Variants in IL1RAPL2 observed in about 807,000 individuals in gnomAD.
IL1RAPL2 encodes the protein X-linked interleukin-1 receptor accessory protein-like 2.
IL1RAPL2 carries 3 observed loss-of-function variants against 44.1 expected under a neutral mutation model. The observed-to-expected ratio is 0.07, with a 90% CI of 0.03 to 0.18. The LOEUF (loss-of-function observed/expected upper bound fraction) is 0.18, where lower values mean the gene tolerates loss of function less well. IL1RAPL2 is among the 10% of genes least tolerant of loss of function. The pLI, the probability that IL1RAPL2 is intolerant of heterozygous loss-of-function variation, is 1.00. For synonymous variants in IL1RAPL2, 181 were observed against 178.8 expected, an observed-to-expected ratio of 1.01 and a Z score of -0.10; for missense variants, 391 against 496.4, an observed-to-expected ratio of 0.79 and a Z score of 2.02.
At chrX:105,427,207 G>A (rs891066941) in intron 5 of IL1RAPL2, among the ~76,000 whole-genome samples, 3 of 111,567 alleles carry the variant, frequency 2.7e-5, no homozygotes, top group Non-Finnish European at 3.8e-5. Context: ...TTCTTTGCCT[G>A]GATTAGGGGA....
chrX:104,680,330 C>T (rs1039933256), intron 2 of IL1RAPL2, among the ~76,000 whole-genome samples: 2 of 111,510 alleles, frequency 1.8e-5, no homozygotes, highest in Non-Finnish European at 1.9e-5. Context: ...CCACAACCCC[C>T]CTGAAACTGT....
chrX:104,945,930 C>A (rs1056135725), intron 2 of IL1RAPL2, among the ~76,000 whole-genome samples: 8 of 109,963 alleles, frequency 7.3e-5, no homozygotes, highest in Non-Finnish European at 9.5e-5. Flanking sequence ...CAGATGGATA[C>A]ATGATTTTTT....
chrX:105,289,259 G>T (rs1396007214), intron 5 of IL1RAPL2, among the ~76,000 whole-genome samples: 1 of 110,457 alleles, frequency 9.1e-6, no homozygotes, highest in Non-Finnish European at 1.9e-5. Context: ...GATGGTGGGG[G>T]ATCAGATCAT....
At chrX:105,713,552 G>A (rs1296459511) in intron 6 of IL1RAPL2, among the ~76,000 whole-genome samples, 1 of 111,278 alleles carries the variant, frequency 9.0e-6, no homozygotes, top group Admixed American at 9.5e-5. Context: ...CCCCCACCAG[G>A]TGCATCCCTG....
intron 2 of IL1RAPL2, among the ~76,000 whole-genome samples, chrX:104,962,890 C>T (rs951172110): frequency 2.7e-5 from 3 of 111,788 alleles, no homozygotes; most frequent in East Asian, 2.8e-4. Flanking sequence ...CTAATAGGAG[C>T]GTTGGATGGC....
intron 6 of IL1RAPL2, among the ~76,000 whole-genome samples, chrX:105,657,173 AATG>A (rs1234898874): frequency 8.9e-6 from 1 of 111,826 alleles, no homozygotes; most frequent in Non-Finnish European, 1.9e-5. Flanking sequence ...ATAGTGGTAG[AATG>A]ATGTTATCTG....
intron 6 of IL1RAPL2, among the ~76,000 whole-genome samples, chrX:105,527,698 G>A (rs1006316274): frequency 9.0e-6 from 1 of 110,817 alleles, no homozygotes; most frequent in Admixed American, 9.7e-5. Context: ...TGGCAAATTG[G>A]TAGCAGTGGT....
intron 2 of IL1RAPL2, among the ~76,000 whole-genome samples, chrX:105,144,727 A>T (rs1421299020): frequency 9.0e-6 from 1 of 111,682 alleles, no homozygotes; most frequent in East Asian, 2.8e-4. Flanking sequence ...TCCATCCCCA[A>T]GTCCTGCCTC....
At chrX:105,492,580 A>G (rs61161826) in intron 6 of IL1RAPL2, among the ~76,000 whole-genome samples, 5,401 of 109,464 alleles carry the variant, frequency 0.049, 343 homozygotes, top group African/African-American at 0.17. Context: ...AATAATAATT[A>G]TTATTATTTG....
rs782547303 is a variant in IL1RAPL2, at chrX:105,239,295, T to A, written c.543+5291T>A. 4.5e-5 allele frequency among the ~76,000 whole-genome samples: 5 copies of A among 112,034 alleles called. No homozygotes were observed. The South Asian group carries it at 1.9e-3, about 42-fold the overall frequency. On this transcript the variant is annotated intron_variant, in intron 4 of 10. Transcript: ENST00000372582. ...TAAAATCTGTTGTGTAACCATAGCC[T>A]TTACAGTAGAATCAGTTATAGAGCC...
At chrX:105,588,678 A>G (rs1161552242) in intron 6 of IL1RAPL2, among the ~76,000 whole-genome samples, 1 of 111,961 alleles carries the variant, frequency 8.9e-6, no homozygotes, top group Non-Finnish European at 1.9e-5. Context: ...ATTTAGGATG[A>G]TGGCATCTAG....
At chrX:105,521,162 T>G (rs1351140259) in intron 6 of IL1RAPL2, among the ~76,000 whole-genome samples, 3 of 103,575 alleles carry the variant, frequency 2.9e-5, no homozygotes, top group African/African-American at 1.1e-4. Flanking sequence ...ACCAGGATGG[T>G]CACGATCTCC....
intron 5 of IL1RAPL2, among the ~76,000 whole-genome samples, chrX:105,314,481 G>T (rs1206635117): frequency 9.0e-6 from 1 of 111,589 alleles, no homozygotes; most frequent in Admixed American, 9.6e-5. Context: ...AGACTGTGTC[G>T]GATCACACCA....
intron 6 of IL1RAPL2, among the ~76,000 whole-genome samples, chrX:105,580,778 T>C (rs911757159): frequency 1.8e-5 from 2 of 111,728 alleles, no homozygotes; most frequent in Non-Finnish European, 3.8e-5. Flanking sequence ...GAATTCTGCT[T>C]GGCCTCACTG....
intron 2 of IL1RAPL2, among the ~76,000 whole-genome samples, chrX:104,856,913 TAATA>T (rs1922380457): frequency 8.9e-6 from 1 of 112,675 alleles, no homozygotes; most frequent in Non-Finnish European, 1.9e-5. Flanking sequence ...TGAGATTTCC[TAATA>T]AATCTGCTTT....
chrX:105,049,910 A>G (rs897325391), intron 2 of IL1RAPL2, among the ~76,000 whole-genome samples: 4 of 111,379 alleles, frequency 3.6e-5, no homozygotes, highest in Non-Finnish European at 7.5e-5. Context: ...ACAAGTTCTT[A>G]ATTAAAAAAA....
chrX:104,893,478 A>G (rs952088622), intron 2 of IL1RAPL2, among the ~76,000 whole-genome samples: 3 of 110,857 alleles, frequency 2.7e-5, no homozygotes, highest in Non-Finnish European at 5.7e-5. Flanking sequence ...CTCCTGTATT[A>G]GGTGCATATA....
At chrX:105,257,520 A>G (rs1023399028) in intron 4 of IL1RAPL2, among the ~76,000 whole-genome samples, 5 of 111,776 alleles carry the variant, frequency 4.5e-5, no homozygotes, top group African/African-American at 1.3e-4. Context: ...TGATCTGTCT[A>G]ATACTCAGTG....
chrX:105,723,821 C>G (rs190176600), intron 7 of IL1RAPL2, among the ~76,000 whole-genome samples: 14 of 111,017 alleles, frequency 1.3e-4, no homozygotes, highest in African/African-American at 4.6e-4. Context: ...AGTGGGGAGC[C>G]TTCATGATTT....
Sources: allele counts gnomAD v4.1 joint callset (sites outside exome capture counted in the v4.1 genomes callset), GRCh38; gene constraint gnomAD v4.1.1; transcripts MANE v1.5; gene names NCBI Gene and HGNC (gene_info 2026-07-23, HGNC 2026-07-21).